The following ACACA variants were observed in gnomAD, a reference collection of about 807,000 sequenced individuals.
The protein encoded by ACACA is acetyl-CoA carboxylase alpha.
A neutral mutation model predicts 296.1 loss-of-function variants in ACACA; 103 were observed. The observed-to-expected ratio is 0.35, with a 90% CI of 0.30 to 0.41. The LOEUF (loss-of-function observed/expected upper bound fraction) is 0.41. ACACA is among the 10% of genes least tolerant of loss of function. The pLI is 1.00. For missense variants in ACACA, 1,554 were observed against 2,989.7 expected, an observed-to-expected ratio of 0.52 and a Z score of 11.20; for synonymous variants, 953 against 1,038.6, an observed-to-expected ratio of 0.92 and a Z score of 1.58.
rs1315285824 is a variant in ACACA at position 37,274,263 on chromosome 17, T to C, written c.938A>G (p.Lys313Arg). Residue 313 changes from lysine (K) to arginine (R), a missense_variant, in exon 9 of 56, where the codon AAA (lysine) becomes AGA (arginine). Lys to Arg is a conservative substitution (Grantham distance 26). Transcript: ENST00000616317. The part of the protein sequence containing the change: ...RVDWQENDFS[K>R]RILNVPQELY... ...CTCCTGGGGAACATTTAAGATACGT[T>C]TTGAAAAATCATTTTCCTGCCAGTC... 14 of 1,614,096 alleles carry C rather than the reference T, an allele frequency of 8.7e-6. No homozygotes were observed. The South Asian group carries it at 1.4e-4, about 16-fold the overall frequency.
chr17:37,327,376 G>T (rs1367600628), intron 3 of ACACA, among the ~76,000 whole-genome samples: 1 of 152,104 alleles, frequency 6.6e-6, no homozygotes, highest in East Asian at 1.9e-4. Flanking sequence ...AACAGAAAAC[G>T]TTTTTTCTAT....
intron 10 of ACACA, 45 bp downstream of exon 10, chr17:37,270,706 G>A: frequency 7.3e-7 from 1 of 1,365,162 alleles, no homozygotes; most frequent in South Asian, 1.2e-5. Flanking sequence ...ATATATCTCT[G>A]ATATACATGT....
At chr17:37,214,852 C>T (rs2078913958) in intron 29 of ACACA, among the ~76,000 whole-genome samples, 1 of 152,154 alleles carries the variant, frequency 6.6e-6, no homozygotes, top group African/African-American at 2.4e-5. Context: ...ACAAGTGCTC[C>T]CACTGCAGAA....
At chr17:37,132,509 G>A (rs2075147361) in intron 45 of ACACA, among the ~76,000 whole-genome samples, 1 of 152,268 alleles carries the variant, frequency 6.6e-6, no homozygotes, top group Middle Eastern at 3.4e-3. Flanking sequence ...CATTCAGTGT[G>A]ATCAGCAGTA....
Position 37,192,271 on chromosome 17 carries a change from G to A in ACACA, c.4235C>T (p.Pro1412Leu). The change falls in exon 37 of 56, where the codon CCT becomes CTT. Residue 1412 changes from proline (P) to leucine (L), a missense_variant. By Grantham distance (98) the Pro-to-Leu change is moderately conservative. This residue lies in a region of ACACA where 179 missense variants were observed against 283.2 expected (regional missense o/e 0.63). Coordinates refer to ENST00000616317, the MANE Select transcript of ACACA (RefSeq NM_198834.3). ...EEDRIYRHLE[P>L]ALAFQLELNR... ...CAGCTCTAACTGGAAAGCCAGAGCA[G>A]GCTCCAGATGACGATAGATACGATC... is the stretch of plus-strand genomic sequence containing the variant. The A allele has an allele frequency of 6.2e-7, 1 of 1,614,064 alleles. No homozygotes were observed. The highest frequency in any genetic ancestry group is 1.1e-5 in the South Asian group (1 of 91,080).
At chr17:37,220,135 A>C (rs2079216880) in intron 29 of ACACA, among the ~76,000 whole-genome samples, 1 of 152,218 alleles carries the variant, frequency 6.6e-6, no homozygotes, top group African/African-American at 2.4e-5. Context: ...TTGTAACCAC[A>C]TTGAACTAAC....
intron 19 of ACACA, 49 bp downstream of exon 19, chr17:37,246,777 T>C (rs1217916731): frequency 8.7e-6 from 14 of 1,607,952 alleles, no homozygotes; most frequent in Non-Finnish European, 1.2e-5. Context: ...AGCCGACCCT[T>C]TTCCTACCTT....
intron 1 of ACACA, among the ~76,000 whole-genome samples, chr17:37,340,844 T>C (rs1016171387): frequency 6.6e-6 from 1 of 152,214 alleles, no homozygotes; most frequent in Non-Finnish European, 1.5e-5. Flanking sequence ...GACTGCAGAC[T>C]TGAAGGTCAC....
chr17:37,400,984 G>A (rs950198188), intron 1 of ACACA, among the ~76,000 whole-genome samples: 35 of 152,182 alleles, frequency 2.3e-4, no homozygotes, highest in Non-Finnish European at 4.4e-4. Flanking sequence ...TTTCCAAAAT[G>A]GCTGTACTAA....
intron 3 of ACACA, among the ~76,000 whole-genome samples, chr17:37,305,761 T>A (rs1414121372): frequency 6.6e-6 from 1 of 152,176 alleles, no homozygotes; most frequent in Admixed American, 6.5e-5. Context: ...AACCACAGCA[T>A]CAAAGCAGCT....
At chr17:37,309,218 G>A (rs1047748722) in intron 3 of ACACA, among the ~76,000 whole-genome samples, 1 of 151,932 alleles carries the variant, frequency 6.6e-6, no homozygotes, top group Non-Finnish European at 1.5e-5. Flanking sequence ...TAGAGTATAG[G>A]TCTCTCTATG....
intron 8 of ACACA, 33 bp downstream of exon 8, chr17:37,275,918 A>G: frequency 6.4e-7 from 1 of 1,554,762 alleles, no homozygotes. Flanking sequence ...GCTATTCTGT[A>G]CTTCAAGATA....
At chr17:37,376,573 G>A (rs951018955) in intron 1 of ACACA, among the ~76,000 whole-genome samples, 2 of 152,124 alleles carry the variant, frequency 1.3e-5, no homozygotes, top group Non-Finnish European at 2.9e-5. Context: ...GGGTGATATT[G>A]GGTGGAATGG....
In ACACA at chr17:37,260,281, TATATATATA is replaced by T. The variant is rs1213685744; in HGVS notation, c.1330-760_1330-752del. Among the ~76,000 whole-genome samples the T allele has an allele frequency of 1.6e-3, 59 of 36,218 alleles. 1 individual carries two copies. Among genetic ancestry groups the T allele is most frequent in the East Asian group, 8.4e-3 (6 of 712 alleles). The allele number at this position is 36,218 out of a possible 152,430, so 23.8% of individuals were successfully genotyped here. A position where few individuals can be genotyped will look rare whatever the true frequency, so the allele number is the denominator to read the frequency against. ...ATATATATATATATATATATATATA[TATATATATA>T]TATATATTTTTTTTTTTTTTTTTTT... On this transcript the variant is annotated intron_variant, in intron 11 of 55. Coordinates refer to ENST00000616317, the MANE Select transcript of ACACA (RefSeq NM_198834.3).
intron 29 of ACACA, among the ~76,000 whole-genome samples, chr17:37,218,348 A>T (rs1302533372): frequency 6.6e-6 from 1 of 152,244 alleles, no homozygotes; most frequent in East Asian, 1.9e-4. Context: ...AAGAAAAAAT[A>T]TTAACAATTG....
intron 54 of ACACA, among the ~76,000 whole-genome samples, chr17:37,094,253 C>T (rs1021958507): frequency 1.3e-5 from 2 of 152,112 alleles, no homozygotes; most frequent in Non-Finnish European, 2.9e-5. Flanking sequence ...CAAACAGACT[C>T]CCATAACTCA....
chr17:37,245,334 A>G, intron 19 of ACACA, 120 bp from the exon 20 acceptor site: 1 of 1,018,440 alleles, frequency 9.8e-7, no homozygotes. Flanking sequence ...ACCAAGAAAA[A>G]ATGGGAATTT....
intron 14 of ACACA, among the ~76,000 whole-genome samples, chr17:37,255,539 C>T (rs1737130953): frequency 6.6e-6 from 1 of 152,102 alleles, no homozygotes; most frequent in African/African-American, 2.4e-5. Context: ...AAATAAGGAA[C>T]AAGGCTTCTG....
chr17:37,300,442 G>A (rs1374553658), intron 3 of ACACA, among the ~76,000 whole-genome samples: 2 of 152,036 alleles, frequency 1.3e-5, no homozygotes, highest in African/African-American at 2.4e-5. Flanking sequence ...AACTTCCTGA[G>A]GCAAGTCCTC....
Sources: allele counts gnomAD v4.1 joint callset (sites outside exome capture counted in the v4.1 genomes callset), GRCh38; gene constraint gnomAD v4.1.1; regional missense constraint gnomAD v4.1.1; transcripts MANE v1.5; gene names NCBI Gene and HGNC (gene_info 2026-07-23, HGNC 2026-07-21).